Variants in DENND6A observed in about 807,000 individuals in gnomAD.
DENND6A encodes protein DENND6A.
Under a neutral mutation model 95.5 loss-of-function variants are expected in DENND6A, and 43 were observed. That is an observed-to-expected ratio of 0.45 (90% CI 0.35 to 0.58). The LOEUF is 0.58. Ranked by LOEUF, DENND6A falls within the 20% of genes least tolerant of loss-of-function variation. The pLI, the probability that DENND6A is intolerant of heterozygous loss-of-function variation, is 0.00. For missense variants in DENND6A, 574 were observed against 736.0 expected (o/e 0.78, Z 2.55); for synonymous variants, 257 against 260.4 (o/e 0.99, Z 0.13).
intron 11 of DENND6A, among the ~76,000 whole-genome samples, chr3:57,642,895 A>G (rs1454347668): frequency 6.6e-6 from 1 of 151,896 alleles, no homozygotes; most frequent in Non-Finnish European, 1.5e-5. Context: ...AATCCCAGCT[A>G]CTGGGGAGGC....
chr3:57,677,419 C>CTTTTTTTTTTTTTTTTTTTTT (rs71088101), intron 1 of DENND6A, among the ~76,000 whole-genome samples: 1 of 68,708 alleles, frequency 1.5e-5, no homozygotes, highest in Non-Finnish European at 2.5e-5. Context: ...CTTTGTTGTC[C>CTTTTTTTTTTTTTTTTTTTTT]TTTTTTTTTT....
intron 9 of DENND6A, among the ~76,000 whole-genome samples, chr3:57,657,412 A>G (rs758629673): frequency 5.9e-5 from 9 of 152,192 alleles, no homozygotes; most frequent in Non-Finnish European, 1.2e-4. Flanking sequence ...TTAAAAAAGC[A>G]TGTTTTCTAA....
chr3:57,679,813 C>T (rs2077145549), intron 1 of DENND6A, among the ~76,000 whole-genome samples: 2 of 152,042 alleles, frequency 1.3e-5, no homozygotes, highest in Admixed American at 1.3e-4. Context: ...TTGAATGAGT[C>T]AAAAATACAG....
chr3:57,659,368 C>G (rs2071383589), intron 7 of DENND6A, among the ~76,000 whole-genome samples, 188 bp from the exon 8 acceptor site: 1 of 152,046 alleles, frequency 6.6e-6, no homozygotes. Flanking sequence ...AAATCAAGGT[C>G]TCCATACCCA....
At chr3:57,656,775 G>A (rs1406419851) in intron 9 of DENND6A, among the ~76,000 whole-genome samples, 1 of 152,028 alleles carries the variant, frequency 6.6e-6, no homozygotes, top group Non-Finnish European at 1.5e-5. Context: ...TGGACAACAT[G>A]GTGAAACCCC....
At chr3:57,652,676 A>G (rs2071235320) in intron 9 of DENND6A, among the ~76,000 whole-genome samples, 1 of 152,228 alleles carries the variant, frequency 6.6e-6, no homozygotes, top group Non-Finnish European at 1.5e-5. Context: ...AGAAGCTTGG[A>G]GGATACCACA....
intron 3 of DENND6A, among the ~76,000 whole-genome samples, chr3:57,666,814 C>G (rs2071531369): frequency 3.9e-5 from 6 of 152,136 alleles, no homozygotes; most frequent in Admixed American, 3.3e-4. Flanking sequence ...CTCAAAGACA[C>G]TAAAATAAAA....
chr3:57,669,821 T>C (rs1196227861), intron 3 of DENND6A, among the ~76,000 whole-genome samples: 6 of 145,170 alleles, frequency 4.1e-5, no homozygotes, highest in Non-Finnish European at 6.0e-5. Flanking sequence ...CGGGAGTTCA[T>C]GACCAGCCTG....
At chr3:57,662,139 T>C (rs1047145794) in intron 5 of DENND6A, among the ~76,000 whole-genome samples, 7 of 151,406 alleles carry the variant, frequency 4.6e-5, no homozygotes, top group Non-Finnish European at 8.8e-5. Context: ...TGGGATTAAA[T>C]AGGAAAGATT....
intron 9 of DENND6A, among the ~76,000 whole-genome samples, chr3:57,649,401 T>G (rs1478683831): frequency 6.6e-6 from 1 of 152,056 alleles, no homozygotes; most frequent in African/African-American, 2.4e-5. Context: ...TTTACACTGT[T>G]GGTAGAAATG....
intron 1 of DENND6A, among the ~76,000 whole-genome samples, chr3:57,685,738 TAAAA>T (rs889758920): frequency 0.01 from 1,538 of 150,916 alleles, 17 homozygotes; most frequent in African/African-American, 0.035. Context: ...TCTTTTTTTT[TAAAA>T]AAAAATTTGT....
At chr3:57,628,982 G>C in intron 18 of DENND6A, 97 bp from the exon 19 acceptor site, 1 of 1,063,328 alleles carries the variant, frequency 9.4e-7, no homozygotes, top group Non-Finnish European at 1.4e-6. Context: ...AAGACAAGAA[G>C]GAAAAGGAGA....
intron 12 of DENND6A, among the ~76,000 whole-genome samples, chr3:57,636,293 T>G (rs1377229306): frequency 6.6e-6 from 1 of 152,092 alleles, no homozygotes; most frequent in Non-Finnish European, 1.5e-5. Flanking sequence ...TAAAAGAAAA[T>G]TAGTCTATAC....
In DENND6A at chr3:57,690,609, GGGAGGT is replaced by G. The variant is rs2077254591; in HGVS notation, c.237+2167_237+2172del. The stretch of plus-strand genomic sequence containing the variant: ...TGAGGCAGGAGAATCACTTGAACCT[GGGAGGT>G]GGAGGTTGCAGTGAGCCGAAATTAC... On this transcript the variant is annotated intron_variant, in intron 1 of 19. Coordinates refer to ENST00000311128, the MANE Select transcript of DENND6A (RefSeq NM_152678.3). Among the ~76,000 whole-genome samples, 3 of 152,046 alleles carry G rather than the reference GGGAGGT, an allele frequency of 2.0e-5. No homozygotes were observed. The South Asian group carries it at 6.2e-4, about 32-fold the overall frequency.
At chr3:57,658,272 G>A (rs1030967863) in intron 8 of DENND6A, among the ~76,000 whole-genome samples, 1 of 151,964 alleles carries the variant, frequency 6.6e-6, no homozygotes, top group Non-Finnish European at 1.5e-5. Flanking sequence ...GCTCATGCCT[G>A]TAATCCTAGC....
At chr3:57,667,776 G>T (rs543448742) in intron 3 of DENND6A, among the ~76,000 whole-genome samples, 1 of 152,112 alleles carries the variant, frequency 6.6e-6, no homozygotes, top group African/African-American at 2.4e-5. Context: ...AATAAATTTG[G>T]ACTTTTAGAC....
At chr3:57,632,259 C>G (rs2070700430) in intron 15 of DENND6A, among the ~76,000 whole-genome samples, 1 of 151,486 alleles carries the variant, frequency 6.6e-6, no homozygotes, top group African/African-American at 2.4e-5. Context: ...CTCCTGACCT[C>G]GTGATCTGCC....
chr3:57,669,188 T>C (rs954883294), intron 3 of DENND6A, among the ~76,000 whole-genome samples: 1 of 152,048 alleles, frequency 6.6e-6, no homozygotes, highest in African/African-American at 2.4e-5. Flanking sequence ...TTTCATTTAA[T>C]AAACACATAA....
At chr3:57,672,882 C>T (rs886378605) in intron 1 of DENND6A, among the ~76,000 whole-genome samples, 15 of 151,496 alleles carry the variant, frequency 9.9e-5, no homozygotes, top group Admixed American at 5.9e-4. Flanking sequence ...CACAGATGCA[C>T]GGATAAAGAA....
Sources: gnomAD v4.1 joint callset for allele counts (sites outside exome capture counted in the v4.1 genomes callset) on GRCh38, gnomAD v4.1.1 for gene constraint, MANE v1.5 for transcripts, NCBI Gene and HGNC (gene_info 2026-07-23, HGNC 2026-07-21) for gene names.